XPO6: variants seen among roughly 807,000 people sequenced by gnomAD.
XPO6 encodes the protein exportin 6.
A neutral mutation model predicts 130.0 loss-of-function variants in XPO6; 3 were observed. The observed-to-expected ratio is 0.02, with a 90% CI of 0.01 to 0.06. The LOEUF is 0.06. Ranked by LOEUF, XPO6 falls within the 10% of genes least tolerant of loss-of-function variation. The pLI, the probability that XPO6 is intolerant of heterozygous loss-of-function variation, is 1.00. For missense variants in XPO6, 970 were observed against 1,393.0 expected (o/e 0.70, Z 4.83); for synonymous variants, 524 against 548.9 (o/e 0.95, Z 0.63).
chr16:28,155,693 C>T (rs2043172448), intron 7 of XPO6: 1 of 174,548 alleles, frequency 5.7e-6, no homozygotes, highest in Admixed American at 5.7e-5. Flanking sequence ...GCGATTATAA[C>T]TCCTGTACCT....
intron 1 of XPO6, among the ~76,000 whole-genome samples, chr16:28,200,078 T>C (rs1311616880): frequency 6.6e-6 from 1 of 150,720 alleles, no homozygotes; most frequent in East Asian, 2.0e-4. Context: ...ATCGCTTGAA[T>C]CCAGAGGCAG....
chr16:28,199,148 T>C (rs532732317), intron 1 of XPO6, among the ~76,000 whole-genome samples: 2 of 152,034 alleles, frequency 1.3e-5, no homozygotes, highest in East Asian at 1.9e-4. Flanking sequence ...CTCAAAAAAA[T>C]GAAATTAAAT....
At chr16:28,166,364 G>T in intron 6 of XPO6, 144 bp downstream of exon 6, 2 of 730,260 alleles carry the variant, frequency 2.7e-6, no homozygotes, top group Non-Finnish European at 4.5e-6. Flanking sequence ...TCACTATGTT[G>T]CCCAGGCTGG....
chr16:28,204,480 C>A (rs748671454), intron 1 of XPO6, among the ~76,000 whole-genome samples: 5 of 151,988 alleles, frequency 3.3e-5, no homozygotes, highest in East Asian at 2.0e-4. Context: ...CCCAGAAGGT[C>A]TGAAGAGCAG....
rs547990150 is a variant in XPO6 at position 28,122,643 on chromosome 16, TA to T, written c.1767-882del. 6.0e-4 allele frequency among the ~76,000 whole-genome samples: 90 copies of T among 149,642 alleles called. 1 individual carries two copies. The South Asian group carries it at 0.018, about 30-fold the overall frequency. The stretch of plus-strand genomic sequence containing the variant: ...TTGTTTGTTTTGTTTTGTTTTGTTT[TA>T]AAAAAAAAACTGCTCTTTTGGCAGT... On this transcript the variant is annotated intron_variant, in intron 13 of 23. Transcript: ENST00000304658.
rs757422027 is a variant in XPO6 at position 28,141,923 on chromosome 16, G to C, written c.1334+4171C>G. Among the ~76,000 whole-genome samples, 137 of 152,374 alleles carry C rather than the reference G, an allele frequency of 9.0e-4. No homozygotes were observed. The Middle Eastern group carries it at 0.01, about 11-fold the overall frequency. On this transcript the variant is annotated intron_variant, in intron 9 of 23. Transcript: ENST00000304658. ...TGCAGCGAGCCAAGATCGCGCCACTGCGCTCCTGACCAGGCAAGTGAGCAT... is the reference window on the plus strand; with the variant it reads ...TGCAGCGAGCCAAGATCGCGCCACTCCGCTCCTGACCAGGCAAGTGAGCAT...
intron 1 of XPO6, among the ~76,000 whole-genome samples, chr16:28,183,027 A>G (rs2043642295): frequency 6.6e-6 from 1 of 152,202 alleles, no homozygotes; most frequent in Admixed American, 6.5e-5. Flanking sequence ...ACATCTGCAA[A>G]TCATATCTCT....
intron 1 of XPO6, among the ~76,000 whole-genome samples, chr16:28,207,037 T>C (rs1328380793): frequency 6.6e-6 from 1 of 151,892 alleles, no homozygotes; most frequent in East Asian, 1.9e-4. Flanking sequence ...ATCTGAGGTC[T>C]GGAGTTCGAG....
intron 9 of XPO6, among the ~76,000 whole-genome samples, chr16:28,140,792 C>G (rs1454967459): frequency 6.6e-6 from 1 of 151,414 alleles, no homozygotes; most frequent in Non-Finnish European, 1.5e-5. Flanking sequence ...GCCTCAAGTT[C>G]TGAGAGTTAA....
Position 28,112,985 on chromosome 16 carries a change from G to A in XPO6, c.2070C>T (p.Pro690=), listed in dbSNP as rs749606513. The A allele has an allele frequency of 3.9e-5, 63 of 1,614,024 alleles. 1 individual carries two copies. The East Asian group carries it at 9.1e-4, about 23-fold the overall frequency. Residue 690 remains proline (P), a synonymous_variant, in exon 16 of 24, where the codon CCC becomes CCT. Transcript: ENST00000304658. The part of the protein sequence containing the change: ...LLVSLATTVR[P]VFLISIPAVQ... Reference sequence around the variant, plus strand: ...CTGCAGGGATGCTGATCAGAAAGACGGGCCGCACGGTGGTGGCCAGTGAGA... The same window carrying A: ...CTGCAGGGATGCTGATCAGAAAGACAGGCCGCACGGTGGTGGCCAGTGAGA...
At chr16:28,105,144 T>G (rs1433745922) in intron 20 of XPO6, among the ~76,000 whole-genome samples, 1 of 152,226 alleles carries the variant, frequency 6.6e-6, no homozygotes, top group Admixed American at 6.5e-5. Context: ...CACTAACCTG[T>G]TGGTCTTACA....
chr16:28,201,563 G>T (rs551955561), intron 1 of XPO6, among the ~76,000 whole-genome samples: 1 of 152,308 alleles, frequency 6.6e-6, no homozygotes, highest in South Asian at 2.1e-4. Flanking sequence ...CTCACTGTAA[G>T]AATGTAGTCT....
rs1185157849 is a variant in XPO6 at position 28,153,409 on chromosome 16, A to C, written c.1098-624T>G. ...TCTGATGCTTCCGTTTTGCAGATGA[A>C]GCCCAGAGAGGTAAAGTGACCAGCC... On this transcript the variant is annotated intron_variant, in intron 7 of 23. Coordinates refer to ENST00000304658, the MANE Select transcript of XPO6 (RefSeq NM_015171.4). The C allele has an allele frequency of 5.1e-6, 5 of 984,870 alleles. No homozygotes were observed. In the African/African-American group the frequency reaches 8.7e-5, roughly 17 times the overall value. 61.0% of individuals were successfully genotyped at this position (984,870 alleles called of 1,614,324 possible).
chr16:28,148,762 C>A (rs1315900475), intron 8 of XPO6, among the ~76,000 whole-genome samples: 1 of 152,150 alleles, frequency 6.6e-6, no homozygotes, highest in Non-Finnish European at 1.5e-5. Flanking sequence ...TGGATCTTGG[C>A]CAGGCACGGT....
chr16:28,147,765 G>T (rs1226522602), intron 8 of XPO6, among the ~76,000 whole-genome samples: 1 of 152,168 alleles, frequency 6.6e-6, no homozygotes, highest in East Asian at 1.9e-4. Context: ...GGCCAACATG[G>T]TGTAAACCCT....
In XPO6 at chr16:28,176,108, T is replaced by C. The variant is rs369560287; in HGVS notation, c.208-13A>G. On this transcript the variant is annotated splice_polypyrimidine_tract_variant and intron_variant, in intron 3 of 23. Coordinates refer to ENST00000304658, the MANE Select transcript of XPO6 (RefSeq NM_015171.4). ...TATTGATCAGATTCTGAAAAACAAA[T>C]ATACATCTTTTAAGTTAACAACCTA... is the stretch of plus-strand genomic sequence containing the variant. 41 of 1,613,560 alleles carry C rather than the reference T, an allele frequency of 2.5e-5. No homozygotes were observed. Among genetic ancestry groups the C allele is most frequent in the Non-Finnish European group, 3.1e-5 (37 of 1,179,766 alleles).
chr16:28,106,283 T>C lies in XPO6; in HGVS notation c.2613-69A>G, dbSNP rs769995002. On this transcript the variant is annotated intron_variant, in intron 19 of 23. Coordinates refer to ENST00000304658, the MANE Select transcript of XPO6 (RefSeq NM_015171.4). This position sits in a 1 kb window ranked among gnomAD's most constrained non-coding sequence, Gnocchi z 4.2. Reference sequence around the variant, plus strand: ...TGGGGGCCAGCATGAAAACCCATGCTGTGGCAAGTGCAGAACAGGAGCAAA... The same window carrying C: ...TGGGGGCCAGCATGAAAACCCATGCCGTGGCAAGTGCAGAACAGGAGCAAA... 59 of 1,607,736 alleles carry C rather than the reference T, an allele frequency of 3.7e-5. No homozygotes were observed. Among genetic ancestry groups the C allele is most frequent in the Non-Finnish European group, 4.6e-5 (54 of 1,175,518 alleles).
chr16:28,112,034 A>G (rs781126306), intron 16 of XPO6, 28 bp from the exon 17 acceptor site: 7 of 1,593,254 alleles, frequency 4.4e-6, no homozygotes, highest in Admixed American at 1.8e-5. Flanking sequence ...GGCATCCATC[A>G]GAGGTCAGAG....
At chr16:28,116,243 T>C (rs1267750757) in intron 15 of XPO6, among the ~76,000 whole-genome samples, 2 of 152,048 alleles carry the variant, frequency 1.3e-5, no homozygotes, top group African/African-American at 2.4e-5. Context: ...GGGCAGATCA[T>C]GAGGTCAGGA....
Sources: allele counts gnomAD v4.1 joint callset (sites outside exome capture counted in the v4.1 genomes callset), GRCh38; gene constraint gnomAD v4.1.1; non-coding constraint Gnocchi (gnomAD v3.1); transcripts MANE v1.5; gene names NCBI Gene and HGNC (gene_info 2026-07-23, HGNC 2026-07-21).